MEI4: variants seen among roughly 807,000 people sequenced by gnomAD.
The protein encoded by MEI4 is meiotic double-stranded break formation protein 4, also known as meiosis-specific protein MEI4.
A neutral mutation model predicts 31.4 loss-of-function variants in MEI4; 27 were observed. That is an observed-to-expected ratio of 0.86 (90% CI 0.63 to 1.19). The LOEUF (loss-of-function observed/expected upper bound fraction) is 1.19. Ranked by LOEUF, MEI4 falls within the 50% of genes most tolerant of loss-of-function variation. MEI4 has a pLI of 0.00. For synonymous variants in MEI4, 122 were observed against 145.4 expected (o/e 0.84, Z 1.16); for missense variants, 329 against 398.9 (o/e 0.82, Z 1.49).
chr6:77,746,955 A>T (rs1034434416), intron 2 of MEI4, among the ~76,000 whole-genome samples: 1 of 152,118 alleles, frequency 6.6e-6, no homozygotes, highest in Admixed American at 6.6e-5. Context: ...AGAGTTCAGG[A>T]AAAAATTACC....
At chr6:77,651,650 T>G (rs137886685), upstream of MEI4, among the ~76,000 whole-genome samples, 70 of 152,320 alleles carry the variant, frequency 4.6e-4, no homozygotes, top group East Asian at 8.7e-3. Flanking sequence ...TGAGTTGCTA[T>G]CCATTATTCT....
intron 2 of MEI4, among the ~76,000 whole-genome samples, chr6:77,753,549 A>G (rs955354749): frequency 1.4e-4 from 21 of 152,234 alleles, no homozygotes; most frequent in African/African-American, 4.8e-4. Flanking sequence ...AACCACAATG[A>G]GATATCACTT....
At chr6:77,699,889 C>G (rs1766173185) in intron 2 of MEI4, among the ~76,000 whole-genome samples, 1 of 152,026 alleles carries the variant, frequency 6.6e-6, no homozygotes, top group Admixed American at 6.5e-5. Flanking sequence ...GGCTGCAGAA[C>G]AGCGGTGGCT....
chr6:77,867,827 A>T (rs1463258699), intron 4 of MEI4, among the ~76,000 whole-genome samples: 1 of 152,204 alleles, frequency 6.6e-6, no homozygotes, highest in Non-Finnish European at 1.5e-5. Context: ...CAAATGTACA[A>T]CAATGATAGA....
intron 4 of MEI4, among the ~76,000 whole-genome samples, chr6:77,920,461 G>T (rs1371308451): frequency 4.0e-5 from 6 of 151,846 alleles, no homozygotes; most frequent in Admixed American, 4.0e-4. Context: ...CACCGCATCT[G>T]CAGTGACTTC....
At chr6:77,791,678 T>TAA (rs60957084) in intron 3 of MEI4, among the ~76,000 whole-genome samples, 19 of 133,714 alleles carry the variant, frequency 1.4e-4, no homozygotes, top group Non-Finnish European at 1.9e-4. Context: ...ACTTAAAGTA[T>TAA]AAAAAAAAAA....
chr6:77,755,825 G>GGTGTGT (rs34181852), intron 2 of MEI4, among the ~76,000 whole-genome samples: 1,884 of 145,224 alleles, frequency 0.013, 58 homozygotes, highest in East Asian at 0.11. Context: ...GTGCTGGAAT[G>GGTGTGT]GTGTGTGTGT....
At chr6:77,667,168 A>C (rs1768655035) in intron 1 of MEI4, among the ~76,000 whole-genome samples, 1 of 152,216 alleles carries the variant, frequency 6.6e-6, no homozygotes, top group Non-Finnish European at 1.5e-5. Flanking sequence ...ATTTCACAAT[A>C]CATAATTCTA....
At chr6:77,717,909 C>T (rs1418472841) in intron 2 of MEI4, among the ~76,000 whole-genome samples, 2 of 79,838 alleles carry the variant, frequency 2.5e-5, no homozygotes, top group South Asian at 4.9e-4. Flanking sequence ...CCCACATTTC[C>T]CCCTTTTCTT....
intron 1 of MEI4, among the ~76,000 whole-genome samples, chr6:77,656,288 T>C (rs1474279535): frequency 6.6e-6 from 1 of 152,142 alleles, no homozygotes; most frequent in Non-Finnish European, 1.5e-5. Flanking sequence ...TATTGATTGC[T>C]TGCTTCTTTT....
chr6:77,805,202 T>C (rs1330220578), intron 3 of MEI4, among the ~76,000 whole-genome samples: 5 of 152,140 alleles, frequency 3.3e-5, no homozygotes. Flanking sequence ...TAAGAATTCC[T>C]TCCCACCATG....
intron 4 of MEI4, among the ~76,000 whole-genome samples, chr6:77,892,526 G>A (rs115225099): frequency 0.01 from 1,572 of 152,112 alleles, 26 homozygotes; most frequent in African/African-American, 0.035. Context: ...TAGGGTGCAT[G>A]CAGGTGTTCT....
chr6:77,791,598 G>A (rs952788788), intron 3 of MEI4, among the ~76,000 whole-genome samples: 3 of 149,922 alleles, frequency 2.0e-5, no homozygotes, highest in African/African-American at 4.9e-5. Context: ...GAGTTAGTGG[G>A]TGCAGCGCAC....
Position 77,924,971 on chromosome 6 carries a change from G to A in MEI4, c.*1625G>A, listed in dbSNP as rs1766811097. 6.6e-6 allele frequency: 1 copy of A among 151,796 alleles called. No individual in the cohort carries two copies. The highest frequency in any genetic ancestry group is 2.1e-4 in the South Asian group (1 of 4,832). 9.4% of individuals were successfully genotyped at this position (151,796 alleles called of 1,614,324 possible). ...TATATTCCAAATCTTGGATTAGGAG[G>A]GATTTTTCTAATGTCTGATTCCTGT... is the stretch of plus-strand genomic sequence containing the variant. On this transcript the variant is annotated 3_prime_UTR_variant, in exon 5 of 5. Coordinates refer to ENST00000684080, the MANE Select transcript of MEI4 (RefSeq NM_001322247.2).
At chr6:77,741,312 A>G (rs1028746871) in intron 2 of MEI4, among the ~76,000 whole-genome samples, 5 of 152,158 alleles carry the variant, frequency 3.3e-5, no homozygotes, top group African/African-American at 1.2e-4. Flanking sequence ...CCTGTAAGGT[A>G]TGGGTAGCCT....
At chr6:77,781,509 C>A (rs1768596231) in intron 3 of MEI4, among the ~76,000 whole-genome samples, 1 of 152,126 alleles carries the variant, frequency 6.6e-6, no homozygotes, top group Admixed American at 6.6e-5. Flanking sequence ...CATCTCAGAT[C>A]TATGGAATTC....
chr6:77,714,245 AAAC>A (rs1766531367), intron 2 of MEI4, among the ~76,000 whole-genome samples: 1 of 152,048 alleles, frequency 6.6e-6, no homozygotes, highest in African/African-American at 2.4e-5. Flanking sequence ...TTTAAAAAAA[AAAC>A]AAAACAGAAA....
intron 2 of MEI4, among the ~76,000 whole-genome samples, chr6:77,732,896 T>C (rs1767052680): frequency 6.6e-6 from 1 of 151,618 alleles, no homozygotes; most frequent in African/African-American, 2.4e-5. Flanking sequence ...CATGTGGTTT[T>C]TGTCTTTGGT....
chr6:77,768,364 A>G (rs1768226270), intron 3 of MEI4, among the ~76,000 whole-genome samples: 1 of 152,116 alleles, frequency 6.6e-6, no homozygotes, highest in Non-Finnish European at 1.5e-5. Context: ...CAATATTTAC[A>G]TTGGTTTGGT....
Sources: allele counts gnomAD v4.1 joint callset (sites outside exome capture counted in the v4.1 genomes callset), GRCh38; gene constraint gnomAD v4.1.1; transcripts MANE v1.5; gene names NCBI Gene and HGNC (gene_info 2026-07-23, HGNC 2026-07-21).